Variants in CADM2 observed in about 807,000 individuals in gnomAD.
CADM2 encodes the protein cell adhesion molecule 2, also known as immunoglobulin superfamily member 4D.
A neutral mutation model predicts 49.8 loss-of-function variants in CADM2; 12 were observed. The ratio of observed to expected loss-of-function variants is 0.24; its 90% CI spans 0.15 to 0.39. The LOEUF is 0.39. Among genes scored for constraint, CADM2 ranks in the 10% least tolerant of loss-of-function variants. The probability of loss-of-function intolerance (pLI) is 1.00; values close to 1 mark genes in which losing one functional copy is unlikely to be tolerated. For synonymous variants in CADM2, 214 were observed against 175.4 expected, an observed-to-expected ratio of 1.22 and a Z score of -1.74; for missense variants, 378 against 492.3, an observed-to-expected ratio of 0.77 and a Z score of 2.20.
intron 1 of CADM2, among the ~76,000 whole-genome samples, chr3:85,294,774 T>A (rs2043908950): frequency 1.3e-5 from 2 of 152,044 alleles, no homozygotes; most frequent in African/African-American, 2.4e-5. Context: ...CCTTACACCT[T>A]ATACAAAAAT....
At chr3:85,607,280 G>A (rs771432058) in intron 1 of CADM2, among the ~76,000 whole-genome samples, 1 of 152,104 alleles carries the variant, frequency 6.6e-6, no homozygotes, top group Non-Finnish European at 1.5e-5. Flanking sequence ...TAAATACAAT[G>A]TATGATGGCA....
intron 1 of CADM2, among the ~76,000 whole-genome samples, chr3:85,321,116 A>ATATTTTTT (rs2044596196): frequency 3.6e-5 from 1 of 27,496 alleles, no homozygotes; most frequent in African/African-American, 1.5e-4. Flanking sequence ...ATATATATAT[A>ATATTTTTT]TTTTTTTTTT....
intron 1 of CADM2, among the ~76,000 whole-genome samples, chr3:85,561,629 C>T (rs1331142954): frequency 7.2e-5 from 11 of 152,118 alleles, no homozygotes; most frequent in Non-Finnish European, 1.5e-4. Flanking sequence ...GAGTTCAAAA[C>T]AGAAGGGAGA....
intron 3 of CADM2, among the ~76,000 whole-genome samples, chr3:85,822,218 G>A (rs1468713802): frequency 6.6e-6 from 1 of 152,132 alleles, no homozygotes; most frequent in Non-Finnish European, 1.5e-5. Flanking sequence ...ATGAATCTTA[G>A]AGAAATACAT....
At chr3:85,185,615 C>G (rs1399861515) in intron 1 of CADM2, among the ~76,000 whole-genome samples, 1 of 152,036 alleles carries the variant, frequency 6.6e-6, no homozygotes, top group Admixed American at 6.6e-5. Flanking sequence ...CACATTCCTT[C>G]CCTGGTTATC....
chr3:85,295,504 C>T (rs1328268533), intron 1 of CADM2, among the ~76,000 whole-genome samples: 3 of 151,966 alleles, frequency 2.0e-5, no homozygotes, highest in Admixed American at 6.6e-5. Context: ...ATGTTTATTG[C>T]GGCATTATTC....
chr3:86,063,722 C>T (rs910372387), intron 8 of CADM2, among the ~76,000 whole-genome samples: 7 of 152,176 alleles, frequency 4.6e-5, no homozygotes, highest in African/African-American at 1.4e-4. Flanking sequence ...AGAAGACTCA[C>T]AATCTATTTG....
chr3:86,024,767 A>G (rs973518642), intron 8 of CADM2, among the ~76,000 whole-genome samples: 1 of 152,106 alleles, frequency 6.6e-6, no homozygotes, highest in African/African-American at 2.4e-5. Flanking sequence ...TATGTTGAAG[A>G]CCGAATAAAA....
chr3:85,593,960 T>C (rs1271175216), intron 1 of CADM2, among the ~76,000 whole-genome samples: 5 of 151,922 alleles, frequency 3.3e-5, no homozygotes, highest in Non-Finnish European at 2.9e-5. Context: ...AAGATTAACA[T>C]TGGAGTTTTA....
At chr3:85,138,562 G>A (rs966919633) in intron 1 of CADM2, among the ~76,000 whole-genome samples, 7 of 152,132 alleles carry the variant, frequency 4.6e-5, no homozygotes, top group African/African-American at 1.7e-4. Context: ...TTATGATGTA[G>A]GATGCAATTT....
intron 3 of CADM2, among the ~76,000 whole-genome samples, chr3:85,826,376 C>T (rs1203856013): frequency 6.6e-6 from 1 of 152,034 alleles, no homozygotes; most frequent in Non-Finnish European, 1.5e-5. Flanking sequence ...AAAACAATGA[C>T]AAATCAGACA....
chr3:85,845,038 C>T (rs936217478), intron 3 of CADM2, among the ~76,000 whole-genome samples: 5 of 151,072 alleles, frequency 3.3e-5, no homozygotes, highest in Non-Finnish European at 7.4e-5. Flanking sequence ...ACATGTAGTC[C>T]TAGCTACTTG....
chr3:85,900,550 T>C (rs1443434472), intron 5 of CADM2, among the ~76,000 whole-genome samples: 1 of 152,200 alleles, frequency 6.6e-6, no homozygotes. Flanking sequence ...AAATTTTTAC[T>C]GGCTTTTACT....
intron 3 of CADM2, among the ~76,000 whole-genome samples, chr3:85,822,687 C>T (rs2073661212): frequency 6.6e-6 from 1 of 152,100 alleles, no homozygotes; most frequent in South Asian, 2.1e-4. Context: ...TAGCCTGCTC[C>T]AGTATTTATC....
chr3:85,510,868 T>C (rs2040583733), intron 1 of CADM2, among the ~76,000 whole-genome samples: 1 of 150,510 alleles, frequency 6.6e-6, no homozygotes, highest in Non-Finnish European at 1.5e-5. Context: ...CACAAGGCAA[T>C]CAAAAAATAG....
chr3:85,210,635 A>C (rs1245390328), intron 1 of CADM2, among the ~76,000 whole-genome samples: 1 of 151,944 alleles, frequency 6.6e-6, no homozygotes, highest in Non-Finnish European at 1.5e-5. Context: ...TCTGCCTCCC[A>C]GGCTCAAGCC....
At position 86,065,726 on chromosome 3, in the gene CADM2, T is replaced by C. The variant is rs1739228622; in HGVS notation, c.1092T>C (p.His364=). The C allele has an allele frequency of 6.2e-7, 1 of 1,613,520 alleles. No individual in the cohort carries two copies. Among genetic ancestry groups the C allele is most frequent in the African/African-American group, 1.3e-5 (1 of 75,038 alleles). Residue 364 remains histidine, a synonymous_variant, in exon 9 of 10, where the codon CAT becomes CAC. Coordinates refer to ENST00000383699, the MANE Select transcript of CADM2 (RefSeq NM_001167675.2). ...IFLLGRYLAR[H]KGTYLTNEAK... The stretch of plus-strand genomic sequence containing the variant: ...TGCTTGGTCGATATCTGGCAAGGCA[T>C]AAAGGTACGTTATATTTAGCCAGAG...
chr3:86,013,818 G>A (rs1731851497), intron 8 of CADM2: 6 of 1,589,572 alleles, frequency 3.8e-6, no homozygotes, highest in Non-Finnish European at 5.2e-6. Flanking sequence ...GCATTGTCGT[G>A]GTCAGGCTTA....
intron 6 of CADM2, among the ~76,000 whole-genome samples, chr3:85,923,872 AC>A (rs1719478879): frequency 1.3e-5 from 2 of 152,376 alleles, no homozygotes; most frequent in Non-Finnish European, 1.5e-5. Context: ...TAATTGAATT[AC>A]ATTTAAATTT....
Sources: allele counts gnomAD v4.1 joint callset (sites outside exome capture counted in the v4.1 genomes callset), GRCh38; gene constraint gnomAD v4.1.1; transcripts MANE v1.5; gene names NCBI Gene and HGNC (gene_info 2026-07-23, HGNC 2026-07-21).